The following STAU2 variants were observed in gnomAD, a reference collection of about 807,000 sequenced individuals.
STAU2 encodes staufen double-stranded RNA binding protein 2.
In STAU2, 20 loss-of-function variants were observed where a neutral mutation model predicts 65.9. The observed-to-expected ratio is 0.30, with a 90% CI of 0.21 to 0.44. STAU2 has a LOEUF of 0.44. STAU2 is among the 20% of genes least tolerant of loss of function. The pLI is 1.00. For synonymous variants in STAU2, 232 were observed against 233.9 expected (o/e 0.99, Z 0.07); for missense variants, 558 against 683.9 (o/e 0.82, Z 2.05).
chr8:73,682,422 T>C (rs186131705), intron 5 of STAU2, among the ~76,000 whole-genome samples: 9 of 151,764 alleles, frequency 5.9e-5, no homozygotes, highest in South Asian at 4.2e-4. Context: ...GAATTTGAAC[T>C]GAATGATAAT....
chr8:73,714,772 G>T (rs1030715488), intron 3 of STAU2, among the ~76,000 whole-genome samples: 2 of 152,026 alleles, frequency 1.3e-5, no homozygotes, highest in Admixed American at 1.3e-4. Context: ...TTTGTATACA[G>T]AAGAAATACT....
intron 13 of STAU2, among the ~76,000 whole-genome samples, chr8:73,524,769 A>T (rs1823254148): frequency 6.6e-6 from 1 of 152,040 alleles, no homozygotes; most frequent in Non-Finnish European, 1.5e-5. Context: ...TAGAAACTTT[A>T]AAAAAATGAT....
At position 73,615,801 on chromosome 8, in the gene STAU2, G is replaced by A. The variant is rs781557431; in HGVS notation, c.571-19C>T. 101 of 1,545,042 alleles carry A rather than the reference G, an allele frequency of 6.5e-5. No individual in the cohort carries two copies. Among genetic ancestry groups the A allele is most frequent in the Non-Finnish European group, 8.7e-5 (97 of 1,119,996 alleles). On this transcript the variant is annotated intron_variant, in intron 7 of 14. Transcript: ENST00000524300. ...CACCATTCTAAATCACAAAAAATAG[G>A]ATAACACTGAATCTTGACATTATAA...
intron 3 of STAU2, among the ~76,000 whole-genome samples, chr8:73,710,369 T>C (rs1226146354): frequency 7.0e-6 from 1 of 142,228 alleles, no homozygotes; most frequent in African/African-American, 2.8e-5. Flanking sequence ...AATTACAGGC[T>C]TCTATCCTTT....
chr8:73,553,376 T>C (rs916197394), intron 12 of STAU2, among the ~76,000 whole-genome samples: 1 of 152,304 alleles, frequency 6.6e-6, no homozygotes, highest in Admixed American at 6.5e-5. Context: ...GTATTCTCAG[T>C]GTCCATTTCC....
chr8:73,665,269 T>G (rs1010574747), intron 6 of STAU2, among the ~76,000 whole-genome samples: 1 of 152,218 alleles, frequency 6.6e-6, no homozygotes, highest in Non-Finnish European at 1.5e-5. Context: ...TCTACATCTA[T>G]TCTATAAAGT....
chr8:73,517,060 T>C (rs1268774765), intron 13 of STAU2, among the ~76,000 whole-genome samples: 2 of 152,170 alleles, frequency 1.3e-5, no homozygotes, highest in Non-Finnish European at 2.9e-5. Context: ...GTAGGAATAG[T>C]AAATTCCTAC....
intron 13 of STAU2, among the ~76,000 whole-genome samples, chr8:73,496,842 T>C (rs950756118): frequency 2.0e-5 from 3 of 151,704 alleles, no homozygotes; most frequent in African/African-American, 7.3e-5. Flanking sequence ...ATGAGTCAAA[T>C]TTCAAATGCT....
At chr8:73,682,057 C>T (rs1053387236) in intron 5 of STAU2, among the ~76,000 whole-genome samples, 10 of 152,182 alleles carry the variant, frequency 6.6e-5, no homozygotes, top group Middle Eastern at 3.4e-3. Context: ...ACTGACAGCA[C>T]TAGACAGGTC....
In STAU2 at chr8:73,633,637, C is replaced by T. The variant is rs566394258; in HGVS notation, c.411-16186G>A. Among the ~76,000 whole-genome samples the T allele has an allele frequency of 5.8e-4, 88 of 152,120 alleles. 1 individual carries two copies. The highest frequency in any genetic ancestry group is 6.0e-4 in the Non-Finnish European group (41 of 68,002). ...AGTGGTTTCATCTTTGCCTATATAC[C>T]GGAAGTACATGAGGAGCTTTAAAAA... On this transcript the variant is annotated intron_variant, in intron 6 of 14. Coordinates refer to ENST00000524300, the MANE Select transcript of STAU2 (RefSeq NM_001164380.2).
At chr8:73,729,848 T>G (rs933674809) in intron 3 of STAU2, among the ~76,000 whole-genome samples, 1 of 152,200 alleles carries the variant, frequency 6.6e-6, no homozygotes, top group Non-Finnish European at 1.5e-5. Flanking sequence ...GTATTCTCTT[T>G]AATCCTTTTT....
intron 9 of STAU2, 27 bp from the exon 10 acceptor site, chr8:73,603,890 T>A: frequency 1.3e-6 from 2 of 1,574,754 alleles, no homozygotes; most frequent in Non-Finnish European, 1.7e-6. Context: ...GAAAAAGTTT[T>A]AAAATATGCT....
chr8:73,553,945 T>C (rs1026385860), intron 12 of STAU2, among the ~76,000 whole-genome samples: 1 of 152,128 alleles, frequency 6.6e-6, no homozygotes, highest in Non-Finnish European at 1.5e-5. Context: ...CTTTATCTCA[T>C]TCCTTTATTT....
chr8:73,620,005 C>A (rs1172969357), intron 6 of STAU2, among the ~76,000 whole-genome samples: 1 of 152,094 alleles, frequency 6.6e-6, no homozygotes, highest in Non-Finnish European at 1.5e-5. Context: ...AAACTATAAT[C>A]TTTTTTGCTT....
chr8:73,723,111 CACACACACACACACAT>C (rs1285539912), intron 3 of STAU2, among the ~76,000 whole-genome samples: 2 of 150,232 alleles, frequency 1.3e-5, no homozygotes, highest in Non-Finnish European at 3.0e-5. Context: ...CACACACCCA[CACACACACACACACAT>C]ACACACACAC....
chr8:73,714,968 C>T (rs1323703320), intron 3 of STAU2, among the ~76,000 whole-genome samples: 1 of 151,470 alleles, frequency 6.6e-6, no homozygotes, highest in African/African-American at 2.4e-5. Flanking sequence ...GTAATCCCAG[C>T]TACTCAGGAG....
chr8:73,660,496 G>A (rs576007795), intron 6 of STAU2, among the ~76,000 whole-genome samples: 1 of 152,302 alleles, frequency 6.6e-6, no homozygotes, highest in Admixed American at 6.5e-5. Flanking sequence ...AAAGGAGCAT[G>A]GAGTCCTGAA....
At chr8:73,425,075 G>A (rs542890912) in intron 13 of STAU2, among the ~76,000 whole-genome samples, 166 of 152,286 alleles carry the variant, frequency 1.1e-3, no homozygotes, top group Non-Finnish European at 2.0e-3. Flanking sequence ...CTTCAGTGGG[G>A]TGGGAGCTGT....
At chr8:73,659,491 C>G (rs1174356558) in intron 6 of STAU2, among the ~76,000 whole-genome samples, 1 of 152,104 alleles carries the variant, frequency 6.6e-6, no homozygotes, top group Non-Finnish European at 1.5e-5. Context: ...GAGCTGAGAT[C>G]GCGCCATTGC....
Sources: gnomAD v4.1 joint callset for allele counts (sites outside exome capture counted in the v4.1 genomes callset) on GRCh38, gnomAD v4.1.1 for gene constraint, MANE v1.5 for transcripts, NCBI Gene and HGNC (gene_info 2026-07-23, HGNC 2026-07-21) for gene names.